FKBP5: variants seen among roughly 807,000 people sequenced by gnomAD.
The protein encoded by FKBP5 is peptidyl-prolyl cis-trans isomerase FKBP5.
Under a neutral mutation model 50.5 loss-of-function variants are expected in FKBP5, and 23 were observed. The ratio of observed to expected loss-of-function variants is 0.46; its 90% confidence interval spans 0.33 to 0.65. The LOEUF (loss-of-function observed/expected upper bound fraction) is 0.65. FKBP5 is among the 30% of genes least tolerant of loss of function. The pLI is 0.02. For missense variants in FKBP5, 411 were observed against 553.1 expected, an observed-to-expected ratio of 0.74 and a Z score of 2.58; for synonymous variants, 176 against 190.6, an observed-to-expected ratio of 0.92 and a Z score of 0.63.
chr6:35,651,669 GA>G (rs1466751065), intron 1 of FKBP5: 1 of 157,544 alleles, frequency 6.3e-6, no homozygotes, highest in African/African-American at 2.4e-5. Context: ...TTCCTAATTG[GA>G]AAAATCCGAA....
At chr6:35,631,912 G>A (rs919417313) in intron 3 of FKBP5, among the ~76,000 whole-genome samples, 1 of 138,164 alleles carries the variant, frequency 7.2e-6, no homozygotes, top group Non-Finnish European at 1.5e-5. Flanking sequence ...CGGAGATCAC[G>A]CCACTGCACT....
chr6:35,685,768 G>A (rs949805425), intron 1 of FKBP5, among the ~76,000 whole-genome samples: 6 of 152,048 alleles, frequency 3.9e-5, no homozygotes, highest in African/African-American at 1.4e-4. Context: ...GATCACCTGA[G>A]GTCAGGAGTT....
chr6:35,703,940 G>T (rs1766235578), intron 2 of FKBP5, among the ~76,000 whole-genome samples: 1 of 152,188 alleles, frequency 6.6e-6, no homozygotes, highest in South Asian at 2.1e-4. Flanking sequence ...AGCAATGGTG[G>T]TAGCAGCCAT....
At chr6:35,645,688 T>C (rs938612364) in intron 1 of FKBP5, among the ~76,000 whole-genome samples, 1 of 152,250 alleles carries the variant, frequency 6.6e-6, no homozygotes. Flanking sequence ...AGGAGACACA[T>C]GCTGTAGTAT....
Position 35,591,157 on chromosome 6 carries a change from A to ATAT in FKBP5, c.726_728dup (p.Ile242_Tyr243insTer). The ATAT allele has an allele frequency of 6.2e-7, 1 of 1,612,880 alleles. No individual in the cohort carries two copies. Among genetic ancestry groups the ATAT allele is most frequent in the Non-Finnish European group, 8.5e-7 (1 of 1,179,362 alleles). ...TTTCGAAGCTCTTAAGTGTAACTTC[A>ATAT]TATATAAGCTCAGCATTAGGTTCAA... is the stretch of plus-strand genomic sequence containing the variant. On this transcript the variant is annotated stop_gained, in exon 7 of 11. Transcript: ENST00000357266. LOFTEE classifies it high-confidence loss of function.
chr6:35,595,871 C>T (rs1762969664), intron 6 of FKBP5, among the ~76,000 whole-genome samples: 1 of 151,882 alleles, frequency 6.6e-6, no homozygotes, highest in African/African-American at 2.4e-5. Context: ...GAATAAACTA[C>T]AAATATAGAG....
Position 35,601,297 on chromosome 6 carries a change from C to CA in FKBP5, c.509-3894dup, listed in dbSNP as rs1325896226. 4.6e-5 allele frequency among the ~76,000 whole-genome samples: 7 copies of CA among 152,180 alleles called. No individual in the cohort carries two copies. In the East Asian group the frequency reaches 5.8e-4, roughly 13 times the overall value. ...GTAATACTGACAACATTCGGAATGTCAGAGTAAAAGGAGGTATCACAGCCT... is the reference window on the plus strand; with the variant it reads ...GTAATACTGACAACATTCGGAATGTCAAGAGTAAAAGGAGGTATCACAGCCT... On this transcript the variant is annotated intron_variant, in intron 5 of 10. Coordinates refer to ENST00000357266, the MANE Select transcript of FKBP5 (RefSeq NM_004117.4).
chr6:35,603,956 T>C (rs1561853384), intron 5 of FKBP5, among the ~76,000 whole-genome samples: 1 of 152,146 alleles, frequency 6.6e-6, no homozygotes, highest in Non-Finnish European at 1.5e-5. Flanking sequence ...TCCTCCAGCC[T>C]TGGCCTCCCA....
intron 2 of FKBP5, among the ~76,000 whole-genome samples, chr6:35,704,998 G>A (rs1183486115): frequency 2.0e-5 from 3 of 150,616 alleles, no homozygotes; most frequent in Non-Finnish European, 3.0e-5. Flanking sequence ...AAAATTAGCC[G>A]GGCGTGGTGG....
At chr6:35,603,957 T>C (rs769393019) in intron 5 of FKBP5, among the ~76,000 whole-genome samples, 99 of 152,060 alleles carry the variant, frequency 6.5e-4, no homozygotes, top group Non-Finnish European at 1.2e-3. Context: ...CCTCCAGCCT[T>C]GGCCTCCCAG....
intron 2 of FKBP5, among the ~76,000 whole-genome samples, chr6:35,642,077 TAA>T (rs964626592): frequency 4.0e-4 from 61 of 152,044 alleles, no homozygotes; most frequent in Non-Finnish European, 7.9e-4. Context: ...TTTCTTTCCT[TAA>T]AAAGTCTTCA....
chr6:35,648,970 G>A (rs1434278898), intron 1 of FKBP5, among the ~76,000 whole-genome samples: 1 of 151,868 alleles, frequency 6.6e-6, no homozygotes, highest in Non-Finnish European at 1.5e-5. Context: ...AATAAAAAAA[G>A]GCCAGGCGGG....
At chr6:35,689,453 C>T (rs984595509), upstream of FKBP5, among the ~76,000 whole-genome samples, 3 of 152,040 alleles carry the variant, frequency 2.0e-5, no homozygotes, top group African/African-American at 7.2e-5. Context: ...ATATCACCTC[C>T]CTCTGGACAC....
chr6:35,721,759 T>C (rs1291028834), intron 1 of FKBP5, among the ~76,000 whole-genome samples: 1 of 152,190 alleles, frequency 6.6e-6, no homozygotes, highest in Admixed American at 6.5e-5. Flanking sequence ...CAGCCGACAA[T>C]AGTGGCTTTA....
intron 8 of FKBP5, chr6:35,581,873 G>A: frequency 1.0e-6 from 1 of 985,484 alleles, no homozygotes; most frequent in Non-Finnish European, 1.2e-6. Context: ...CACAGCCCAA[G>A]CAGCGCGTAC....
chr6:35,578,843 T>A (rs1762318630), intron 9 of FKBP5, among the ~76,000 whole-genome samples: 1 of 151,720 alleles, frequency 6.6e-6, no homozygotes, highest in African/African-American at 2.4e-5. Context: ...TGATGCTATA[T>A]GACTGCTTCT....
At chr6:35,585,397 C>T in intron 8 of FKBP5, 1 of 983,608 alleles carries the variant, frequency 1.0e-6, no homozygotes, top group South Asian at 4.7e-5. Flanking sequence ...CAAAACAAAA[C>T]CAAAAAAATA....
At chr6:35,640,327 C>T (rs924592270) in intron 2 of FKBP5, among the ~76,000 whole-genome samples, 2 of 152,102 alleles carry the variant, frequency 1.3e-5, no homozygotes, top group Non-Finnish European at 2.9e-5. Context: ...AATTGTAAAA[C>T]AGTGGTATTT....
chr6:35,587,378 G>A lies in FKBP5; in HGVS notation c.757-261C>T, dbSNP rs150465095. Among the ~76,000 whole-genome samples, 487 of 152,256 alleles carry A rather than the reference G, an allele frequency of 3.2e-3. 1 individual carries two copies. The highest frequency in any genetic ancestry group is 0.01 in the African/African-American group (425 of 41,558). On this transcript the variant is annotated intron_variant, in intron 7 of 10. Coordinates refer to ENST00000357266, the MANE Select transcript of FKBP5 (RefSeq NM_004117.4). ...GAGCCGCAAAAACACAGTAAGGAACGTACTCTGGTAAGCACTGCTACAAAG... is the reference window on the plus strand; with the variant it reads ...GAGCCGCAAAAACACAGTAAGGAACATACTCTGGTAAGCACTGCTACAAAG...
Sources: allele counts gnomAD v4.1 joint callset (sites outside exome capture counted in the v4.1 genomes callset), GRCh38; gene constraint gnomAD v4.1.1; transcripts MANE v1.5; gene names NCBI Gene and HGNC (gene_info 2026-07-23, HGNC 2026-07-21).